Variants in SH3BP4 observed in about 807,000 individuals in gnomAD.
The protein encoded by SH3BP4 is SH3 domain-binding protein 4.
A neutral mutation model predicts 65.5 loss-of-function variants in SH3BP4; 33 were observed. The observed-to-expected ratio is 0.50, with a 90% CI of 0.38 to 0.67. The LOEUF is 0.67. Ranked by LOEUF, SH3BP4 falls within the 30% of genes least tolerant of loss-of-function variation. SH3BP4 has a pLI of 0.00. For synonymous variants in SH3BP4, 552 were observed against 545.5 expected (o/e 1.01, Z -0.17); for missense variants, 1,134 against 1,261.4 (o/e 0.90, Z 1.53).
chr2:235,037,380 G>A (rs1348682242), intron 3 of SH3BP4, among the ~76,000 whole-genome samples: 1 of 152,108 alleles, frequency 6.6e-6, no homozygotes, highest in Non-Finnish European at 1.5e-5. Context: ...AGGAAGAGTG[G>A]GGTGATTTCC....
chr2:234,953,893 A>G (rs1215175632), intron 1 of SH3BP4, among the ~76,000 whole-genome samples: 1 of 151,492 alleles, frequency 6.6e-6, no homozygotes, highest in African/African-American at 2.4e-5. Flanking sequence ...GCGCTCTCCA[A>G]TCCCCCTCCT....
At chr2:235,000,450 A>G (rs1248490167) in intron 2 of SH3BP4, among the ~76,000 whole-genome samples, 1 of 152,156 alleles carries the variant, frequency 6.6e-6, no homozygotes, top group African/African-American at 2.4e-5. Context: ...TCCAGGGGAT[A>G]TGAAGGTCAG....
At position 234,974,092 on chromosome 2, in the gene SH3BP4, G is replaced by A. The variant is rs955304136; in HGVS notation, c.-206-21211G>A. Reference sequence around the variant, plus strand: ...TTTAGCGATTTGTGAAGGACCTGGCGCAGTGGCTCACCCCTGTAATCCCAG... The same window carrying A: ...TTTAGCGATTTGTGAAGGACCTGGCACAGTGGCTCACCCCTGTAATCCCAG... On this transcript the variant is annotated intron_variant, in intron 1 of 5. Coordinates refer to ENST00000392011, the MANE Select transcript of SH3BP4 (RefSeq NM_014521.3). This position sits in a 1 kb window ranked among gnomAD's most constrained non-coding sequence, Gnocchi z 4.6. Among the ~76,000 whole-genome samples, 5 of 152,030 alleles carry A rather than the reference G, an allele frequency of 3.3e-5. No homozygotes were observed. The highest frequency in any genetic ancestry group is 1.3e-4 in the Admixed American group (2 of 15,262).
At position 235,042,203 on chromosome 2, in the gene SH3BP4, C is replaced by G. The variant is rs1375667650; in HGVS notation, c.1434C>G (p.Leu478=). The G allele has an allele frequency of 1.9e-6, 3 of 1,614,124 alleles. No homozygotes were observed. The South Asian group carries it at 3.3e-5, about 18-fold the overall frequency. ...TCAATAAAAAAGTCACAGTGGGTCT[C>G]TACGGCCCTAAACACATCCACCCAT... ...DFINKKVTVG[L]YGPKHIHPSF... Residue 478 remains leucine, a synonymous_variant, in exon 4 of 6, where the codon CTC becomes CTG. Transcript: ENST00000392011. This position sits in a 1 kb window ranked among gnomAD's most constrained non-coding sequence, Gnocchi z 7.3.
In SH3BP4 at chr2:234,998,480, A is replaced by G. The variant is rs114198705; in HGVS notation, c.-133+3104A>G. Among the ~76,000 whole-genome samples the G allele has an allele frequency of 3.6e-3, 542 of 152,382 alleles. 2 individuals are homozygous for G. The highest frequency in any genetic ancestry group is 0.015 in the South Asian group (71 of 4,830). On this transcript the variant is annotated intron_variant, in intron 2 of 5. Coordinates refer to ENST00000392011, the MANE Select transcript of SH3BP4 (RefSeq NM_014521.3). ...CACCTCCTGCCTGGACCATGTGGAA[A>G]GTCTTCAGGGGTCACGTCAGACTGA...
chr2:235,028,156 T>G (rs940368887), intron 2 of SH3BP4, among the ~76,000 whole-genome samples: 10 of 152,256 alleles, frequency 6.6e-5, no homozygotes, highest in African/African-American at 2.4e-4. Context: ...TTATCAGTTA[T>G]GAGCTCAAAT....
At chr2:234,988,717 TA>T (rs939513763) in intron 1 of SH3BP4, among the ~76,000 whole-genome samples, 21 of 152,066 alleles carry the variant, frequency 1.4e-4, no homozygotes, top group Non-Finnish European at 2.6e-4. Flanking sequence ...TCACGGTGTG[TA>T]GGGGGGACGC....
rs1399004685 is a variant in SH3BP4 at position 235,043,018 on chromosome 2, T to G, written c.2249T>G (p.Phe750Cys). The G allele has an allele frequency of 7.5e-6, 12 of 1,608,732 alleles. No individual in the cohort carries two copies. Among genetic ancestry groups the G allele is most frequent in the African/African-American group, 1.3e-5 (1 of 74,900 alleles). ...LLEQILRPCK[F>C]LTYIYASVRT... ...GAGCAGATCCTGCGGCCCTGCAAAT[T>G]CCTCACGTACATCTATGCCTCCGTG... Residue 750 changes from phenylalanine to cysteine, a missense_variant, in exon 4 of 6, where the codon TTC (phenylalanine) becomes TGC (cysteine). Transcript: ENST00000392011.
rs765488534 is a variant in SH3BP4 at position 235,053,865 on chromosome 2, C to A, written c.*49C>A. On this transcript the variant is annotated 3_prime_UTR_variant, in exon 6 of 6. Coordinates refer to ENST00000392011, the MANE Select transcript of SH3BP4 (RefSeq NM_014521.3). ...CTCTGGAGTGCAAGCCCTCTTCTGC[C>A]CTGCGTGCCCTGCTGTCACCGCGGA... 8.4e-6 allele frequency: 12 copies of A among 1,422,688 alleles called. No individual in the cohort carries two copies. The highest frequency in any genetic ancestry group is 1.1e-5 in the Non-Finnish European group (11 of 1,007,586). The allele number at this position is 1,422,688 out of a possible 1,614,324, so 88.1% of individuals were successfully genotyped here.
At chr2:235,005,203 C>T (rs1296511681) in intron 2 of SH3BP4, among the ~76,000 whole-genome samples, 2 of 152,190 alleles carry the variant, frequency 1.3e-5, no homozygotes, top group Admixed American at 1.3e-4. Context: ...CCTGGGCATG[C>T]CCTGTGCTGG....
At chr2:234,953,975 A>G (rs1464000306) in intron 1 of SH3BP4, among the ~76,000 whole-genome samples, 1 of 151,584 alleles carries the variant, frequency 6.6e-6, no homozygotes, top group Non-Finnish European at 1.5e-5. Context: ...GGGACCCCAG[A>G]TTGCCCACTG....
intron 2 of SH3BP4, among the ~76,000 whole-genome samples, chr2:235,024,679 G>A (rs1475353289): frequency 6.6e-6 from 1 of 152,174 alleles, no homozygotes; most frequent in Non-Finnish European, 1.5e-5. Flanking sequence ...GGCTAGCTCT[G>A]CGGTTTTCAG....
intron 2 of SH3BP4, among the ~76,000 whole-genome samples, chr2:235,004,251 A>T (rs1432128098): frequency 6.6e-6 from 1 of 152,140 alleles, no homozygotes; most frequent in East Asian, 1.9e-4. Context: ...TTAGCCTCAG[A>T]TGGGTTCCTC....
intron 2 of SH3BP4, among the ~76,000 whole-genome samples, chr2:235,027,181 G>A (rs1235293879): frequency 6.6e-6 from 1 of 152,244 alleles, no homozygotes; most frequent in Non-Finnish European, 1.5e-5. Flanking sequence ...CACCAGTCGG[G>A]TGTTGACTCT....
At chr2:235,005,609 C>G (rs1694269374) in intron 2 of SH3BP4, among the ~76,000 whole-genome samples, 1 of 152,210 alleles carries the variant, frequency 6.6e-6, no homozygotes, top group African/African-American at 2.4e-5. Context: ...TGCTGAACCC[C>G]CGCCTCCGCC....
At chr2:235,001,372 G>C (rs1694092422) in intron 2 of SH3BP4, among the ~76,000 whole-genome samples, 1 of 152,192 alleles carries the variant, frequency 6.6e-6, no homozygotes, top group Non-Finnish European at 1.5e-5. Flanking sequence ...CTCTGAGCTG[G>C]AGGAAGGCCT....
At chr2:235,016,653 C>T (rs1200113887) in intron 2 of SH3BP4, among the ~76,000 whole-genome samples, 16 of 152,124 alleles carry the variant, frequency 1.1e-4, no homozygotes, top group Admixed American at 3.3e-4. Flanking sequence ...GGACTACAGG[C>T]GCACACCACC....
intron 2 of SH3BP4, among the ~76,000 whole-genome samples, chr2:235,002,196 C>A (rs1305066696): frequency 1.3e-5 from 2 of 152,134 alleles, no homozygotes; most frequent in African/African-American, 4.8e-5. Context: ...AATTCTGGGG[C>A]CATCGTCAGA....
chr2:234,971,808 T>A (rs556245287), intron 1 of SH3BP4, among the ~76,000 whole-genome samples: 26 of 152,264 alleles, frequency 1.7e-4, no homozygotes, highest in African/African-American at 6.0e-4. Flanking sequence ...AAAGTTTTCC[T>A]TTTTCTTTTT....
Sources: allele counts gnomAD v4.1 joint callset (sites outside exome capture counted in the v4.1 genomes callset), GRCh38; gene constraint gnomAD v4.1.1; non-coding constraint Gnocchi (gnomAD v3.1); transcripts MANE v1.5; gene names NCBI Gene and HGNC (gene_info 2026-07-23, HGNC 2026-07-21).